The following GPRC5B variants were observed in gnomAD, a reference collection of about 807,000 sequenced individuals.
The protein encoded by GPRC5B is G protein-coupled receptor family C group 5 member B.
A neutral mutation model predicts 30.1 loss-of-function variants in GPRC5B; 16 were observed. The observed-to-expected ratio is 0.53, with a 90% CI of 0.36 to 0.81. GPRC5B has a LOEUF of 0.81. Ranked by LOEUF, GPRC5B falls within the 30% of genes least tolerant of loss-of-function variation. The pLI is 0.01. For missense variants in GPRC5B, 428 were observed against 544.7 expected (o/e 0.79, Z 2.13); for synonymous variants, 241 against 239.5 (o/e 1.01, Z -0.06).
At chr16:19,885,185 C>T (rs1367560589), upstream of GPRC5B, 20 of 1,285,638 alleles carry the variant, frequency 1.6e-5, no homozygotes, top group Non-Finnish European at 1.9e-5. This position sits in a 1 kb window ranked among gnomAD's most constrained non-coding sequence, Gnocchi z 5.3. Flanking sequence ...GGAACACTCC[C>T]CTAGCCAATA....
At chr16:19,871,760 A>G (rs172907) in intron 2 of GPRC5B, 56 bp downstream of exon 2, 487,244 of 1,477,034 alleles carry the variant, frequency 0.33, 83,577 homozygotes, top group African/African-American at 0.42. Context: ...GAAGAAGAGT[A>G]TCTTTTGAGA....
intron 2 of GPRC5B, among the ~76,000 whole-genome samples, chr16:19,863,483 T>C (rs1004915484): frequency 7.1e-6 from 1 of 140,414 alleles, no homozygotes; most frequent in Non-Finnish European, 1.5e-5. Flanking sequence ...AGGCAAGGAA[T>C]CTGTGTTCTT....
At chr16:19,885,190 C>A (rs2056841240), upstream of GPRC5B, 3 of 1,286,164 alleles carry the variant, frequency 2.3e-6, no homozygotes, top group Non-Finnish European at 3.0e-6. This position sits in a 1 kb window ranked among gnomAD's most constrained non-coding sequence, Gnocchi z 5.3. Flanking sequence ...ACTCCCCTAG[C>A]CAATACACTT....
In GPRC5B at chr16:19,858,662, G is replaced by A. The variant is rs2056594518; in HGVS notation, c.*1838C>T. 3 of 486,834 alleles carry A rather than the reference G, an allele frequency of 6.2e-6. No homozygotes were observed. Among genetic ancestry groups the A allele is most frequent in the Non-Finnish European group, 3.7e-6 (1 of 273,162 alleles). 30.2% of individuals were successfully genotyped at this position (486,834 alleles called of 1,614,324 possible). On this transcript the variant is annotated 3_prime_UTR_variant, in exon 4 of 4. Coordinates refer to ENST00000300571, the MANE Select transcript of GPRC5B (RefSeq NM_016235.3). ...TGCAACCGCCCCCACCCCCACCCCA[G>A]GTCCTAGCTTCATTCCCTCCCACCC...
chr16:19,884,793 G>A lies in GPRC5B; in HGVS notation c.-68C>T, dbSNP rs1330293711. On this transcript the variant is annotated 5_prime_UTR_variant, in exon 1 of 4. Transcript: ENST00000300571. ...TCGGCCCGAGTCACATCTCTGCGGC[G>A]CGGCCGCGGCCCCCGCTCCACGCAC... The A allele has an allele frequency of 3.6e-5, 35 of 983,846 alleles. No individual in the cohort carries two copies. The highest frequency in any genetic ancestry group is 4.1e-5 in the Non-Finnish European group (34 of 829,244). The allele number at this position is 983,846 out of a possible 1,614,324, so 60.9% of individuals were successfully genotyped here.
At chr16:19,882,964 G>T (rs936544047) in intron 1 of GPRC5B, among the ~76,000 whole-genome samples, 2 of 152,064 alleles carry the variant, frequency 1.3e-5, no homozygotes, top group Non-Finnish European at 2.9e-5. Flanking sequence ...TTCTAGCTGG[G>T]CTCCACTCAA....
Position 19,857,380 on chromosome 16 carries a change from A to G in GPRC5B, c.*3120T>C. On this transcript the variant is annotated 3_prime_UTR_variant, in exon 4 of 4. Coordinates refer to ENST00000300571, the MANE Select transcript of GPRC5B (RefSeq NM_016235.3). ...TCTGCCCATGGTTTACAGCCTTTTA[A>G]ATTTGTAATATTTATATAGTCGTTT... 2.4e-6 allele frequency: 1 copy of G among 418,422 alleles called. No homozygotes were observed. The highest frequency in any genetic ancestry group is 4.6e-6 in the Non-Finnish European group (1 of 217,514). The allele number at this position is 418,422 out of a possible 1,614,324, so 25.9% of individuals were successfully genotyped here.
chr16:19,885,483 G>A (rs1017322165), upstream of GPRC5B: 1 of 1,139,074 alleles, frequency 8.8e-7, no homozygotes, highest in Non-Finnish European at 1.1e-6. This position sits in a 1 kb window ranked among gnomAD's most constrained non-coding sequence, Gnocchi z 5.3. Context: ...GTCCGTTTAC[G>A]CACACTGGGA....
chr16:19,881,922 C>T (rs917309633), intron 1 of GPRC5B, among the ~76,000 whole-genome samples: 2 of 152,234 alleles, frequency 1.3e-5, no homozygotes, highest in Middle Eastern at 3.2e-3. Flanking sequence ...GACCTCAAGG[C>T]GTTTCTGCTG....
rs771159436 is a variant in GPRC5B at position 19,861,102 on chromosome 16, A to G, written c.1168-558T>C. On this transcript the variant is annotated intron_variant, in intron 3 of 3. Coordinates refer to ENST00000300571, the MANE Select transcript of GPRC5B (RefSeq NM_016235.3). ...CTGATTTACATAAAAAAAAAAAAAA[A>G]AAGAAGAATGCTCAGGTTGAGTTAT... 1.4e-4 allele frequency among the ~76,000 whole-genome samples: 21 copies of G among 151,862 alleles called. 1 individual carries two copies. The highest frequency in any genetic ancestry group is 4.1e-4 in the African/African-American group (17 of 41,354).
chr16:19,864,500 T>G (rs1367010829), intron 2 of GPRC5B, among the ~76,000 whole-genome samples: 1 of 152,278 alleles, frequency 6.6e-6, no homozygotes, highest in Non-Finnish European at 1.5e-5. Flanking sequence ...TGTATCTATC[T>G]GAGGTCTCAC....
intron 1 of GPRC5B, among the ~76,000 whole-genome samples, chr16:19,883,844 G>T (rs917222530): frequency 6.6e-5 from 10 of 152,364 alleles, no homozygotes; most frequent in African/African-American, 2.2e-4. Context: ...GGGCAAGGTC[G>T]TTGGCCCCTT....
rs187041130 is a variant in GPRC5B, at chr16:19,857,733, C to T, written c.*2767G>A. On this transcript the variant is annotated 3_prime_UTR_variant, in exon 4 of 4. Transcript: ENST00000300571. Reference sequence around the variant, plus strand: ...TTCACCCTTGTTCAGTGGGTCCTGACGGCATCTGGGCTAAAAAAAAAAAAA... The same window carrying T: ...TTCACCCTTGTTCAGTGGGTCCTGATGGCATCTGGGCTAAAAAAAAAAAAA... 3.6e-4 allele frequency: 52 copies of T among 144,706 alleles called. 1 individual carries two copies. The East Asian group carries it at 7.4e-3, about 21-fold the overall frequency. The allele number at this position is 144,706 out of a possible 1,614,324, so 9.0% of individuals were successfully genotyped here. A position where few individuals can be genotyped will look rare whatever the true frequency, so the allele number is the denominator to read the frequency against.
rs542188869 is a variant in GPRC5B at position 19,860,712 on chromosome 16, G to A, written c.1168-168C>T. ...AATGACTGTGAGTCATGCTGCTGTG[G>A]TTCTTGGGAAGCCCAGCTCCCTTTT... On this transcript the variant is annotated intron_variant, in intron 3 of 3. Coordinates refer to ENST00000300571, the MANE Select transcript of GPRC5B (RefSeq NM_016235.3). 2.0e-5 allele frequency among the ~76,000 whole-genome samples: 3 copies of A among 152,308 alleles called. No homozygotes were observed. The East Asian group carries it at 5.8e-4, about 29-fold the overall frequency.
chr16:19,865,220 T>G (rs939921517), intron 2 of GPRC5B, among the ~76,000 whole-genome samples: 1 of 152,132 alleles, frequency 6.6e-6, no homozygotes, highest in Non-Finnish European at 1.5e-5. Flanking sequence ...CATGTGAATT[T>G]TGGTGGACAC....
At chr16:19,868,851 A>G (rs2056687782) in intron 2 of GPRC5B, among the ~76,000 whole-genome samples, 1 of 152,202 alleles carries the variant, frequency 6.6e-6, no homozygotes, top group Non-Finnish European at 1.5e-5. Flanking sequence ...GCAGCTGCTG[A>G]GCATGGCCCA....
At chr16:19,873,086 A>C (rs2056736176) in intron 1 of GPRC5B, among the ~76,000 whole-genome samples, 1 of 152,136 alleles carries the variant, frequency 6.6e-6, no homozygotes, top group East Asian at 1.9e-4. Context: ...TGGCTGAAGG[A>C]CAGGGTAGGA....
In GPRC5B at chr16:19,858,954, C is replaced by T; in HGVS notation, c.*1546G>A. ...GCAAGGATGGGGTGGGGAGGGGAGA[C>T]AGCAGAGACTAGGGCCTTGAGAAAT... On this transcript the variant is annotated 3_prime_UTR_variant, in exon 4 of 4. Transcript: ENST00000300571. The T allele has an allele frequency of 5.6e-6, 1 of 177,426 alleles. No homozygotes were observed. Among genetic ancestry groups the T allele is most frequent in the Non-Finnish European group, 1.2e-5 (1 of 85,130 alleles). The allele number at this position is 177,426 out of a possible 1,614,324, so 11.0% of individuals were successfully genotyped here.
chr16:19,882,253 G>C (rs2056813507), intron 1 of GPRC5B: 1 of 152,204 alleles, frequency 6.6e-6, no homozygotes, highest in Non-Finnish European at 1.5e-5. Context: ...AAACAGGGTT[G>C]CAAGAACACA....
Sources: gnomAD v4.1 joint callset for allele counts (sites outside exome capture counted in the v4.1 genomes callset) on GRCh38, gnomAD v4.1.1 for gene constraint, Gnocchi (gnomAD v3.1) non-coding constraint, MANE v1.5 for transcripts, NCBI Gene and HGNC (gene_info 2026-07-23, HGNC 2026-07-21) for gene names.